B4GALNT3: variants seen among roughly 807,000 people sequenced by gnomAD.
B4GALNT3 encodes the protein beta-1,4-N-acetylgalactosaminyltransferase 3.
In B4GALNT3, 86 loss-of-function variants were observed where a neutral mutation model predicts 120.2. The observed-to-expected ratio is 0.72, with a 90% CI of 0.60 to 0.86. The LOEUF is 0.86. Among genes scored for constraint, B4GALNT3 ranks in the 40% least tolerant of loss-of-function variants. B4GALNT3 has a pLI of 0.00. For missense variants in B4GALNT3, 1,167 were observed against 1,298.9 expected (o/e 0.90, Z 1.56); for synonymous variants, 518 against 510.4 (o/e 1.01, Z -0.20).
Position 512,255 on chromosome 12 carries a change from A to G in B4GALNT3, c.170-22911A>G, listed in dbSNP as rs1442516866. Among the ~76,000 whole-genome samples the G allele has an allele frequency of 4.4e-4, 17 of 38,446 alleles. 2 individuals carry two copies. Among genetic ancestry groups the G allele is most frequent in the African/African-American group, 2.9e-3 (16 of 5,454 alleles). 25.2% of individuals were successfully genotyped at this position (38,446 alleles called of 152,430 possible). A position where few individuals can be genotyped will look rare whatever the true frequency, so the allele number is the denominator to read the frequency against. ...CACCTTCCACCTTCCACCTTCTTCCACCTTCTTCCACCTTCTTCCACCTTC... is the reference window on the plus strand; with the variant it reads ...CACCTTCCACCTTCCACCTTCTTCCGCCTTCTTCCACCTTCTTCCACCTTC... On this transcript the variant is annotated intron_variant, in intron 1 of 19. Coordinates refer to ENST00000266383, the MANE Select transcript of B4GALNT3 (RefSeq NM_173593.4).
chr12:514,329 C>G lies in B4GALNT3; in HGVS notation c.170-20837C>G, dbSNP rs1429762003. On this transcript the variant is annotated intron_variant, in intron 1 of 19. Transcript: ENST00000266383. ...TCTCCTGCCTCAGCCTCCCAAGTAG[C>G]TGGGACTACAGGTGCCCGCCACCAC... 2.0e-5 allele frequency among the ~76,000 whole-genome samples: 3 copies of G among 151,628 alleles called. No individual in the cohort carries two copies. In the East Asian group the frequency reaches 5.8e-4, roughly 30 times the overall value.
At chr12:537,983 C>T (rs1047401226) in intron 3 of B4GALNT3, among the ~76,000 whole-genome samples, 3 of 152,152 alleles carry the variant, frequency 2.0e-5, no homozygotes, top group Non-Finnish European at 4.4e-5. Flanking sequence ...TGCTGGCACA[C>T]CTGCACTAGA....
rs74817786 is a variant in B4GALNT3, at chr12:485,416, A to C, written c.169+24871A>C. On this transcript the variant is annotated intron_variant, in intron 1 of 19. Transcript: ENST00000266383. ...CCACACAAATACATTTTCTATCTCT[A>C]CTTGGAGTCTGATTCTATGACATTA... Among the ~76,000 whole-genome samples, 266 of 152,358 alleles carry C rather than the reference A, an allele frequency of 1.7e-3. 1 individual carries two copies. Among genetic ancestry groups the C allele is most frequent in the African/African-American group, 6.2e-3 (257 of 41,580 alleles).
In B4GALNT3 at chr12:521,441, G is replaced by T. The variant is rs116096180; in HGVS notation, c.170-13725G>T. Among the ~76,000 whole-genome samples the T allele has an allele frequency of 6.5e-3, 994 of 152,288 alleles. 14 individuals are homozygous for T. Among genetic ancestry groups the T allele is most frequent in the African/African-American group, 0.022 (914 of 41,560 alleles). The stretch of plus-strand genomic sequence containing the variant: ...TTCCTGGCCTTTCCGGGGCCCAGTC[G>T]TGTGGTTCTGTCTTTGATTCTGTGA... On this transcript the variant is annotated intron_variant, in intron 1 of 19. Transcript: ENST00000266383.
chr12:544,220 C>A, intron 3 of B4GALNT3, 119 bp from the exon 4 acceptor site: 1 of 869,786 alleles, frequency 1.1e-6, no homozygotes, highest in Non-Finnish European at 1.8e-6. Flanking sequence ...ATGGGGTGCT[C>A]ATCCTCCTGG....
Position 459,946 on chromosome 12 carries a change from G to A in B4GALNT3, c.-431G>A, listed in dbSNP as rs890752633. On this transcript the variant is annotated 5_prime_UTR_variant, in exon 1 of 20. Transcript: ENST00000266383. ...CGGGGCCGGGGGCGGGCCAGGTTCCGCGAGCAGGAGAGCCCAGAGCCCGGA... is the reference window on the plus strand; with the variant it reads ...CGGGGCCGGGGGCGGGCCAGGTTCCACGAGCAGGAGAGCCCAGAGCCCGGA... Among the ~76,000 whole-genome samples the A allele has an allele frequency of 4.0e-5, 6 of 151,344 alleles. No individual in the cohort carries two copies. The highest frequency in any genetic ancestry group is 9.7e-5 in the African/African-American group (4 of 41,292).
At chr12:500,619 A>C (rs778674857) in intron 1 of B4GALNT3, among the ~76,000 whole-genome samples, 1 of 151,928 alleles carries the variant, frequency 6.6e-6, no homozygotes, top group Non-Finnish European at 1.5e-5. Flanking sequence ...AAATACTGAA[A>C]TATTTCTGTA....
intron 1 of B4GALNT3, among the ~76,000 whole-genome samples, chr12:495,726 G>A (rs1946382117): frequency 6.6e-6 from 1 of 152,096 alleles, no homozygotes; most frequent in Non-Finnish European, 1.5e-5. Context: ...GACTCTGCTG[G>A]GCTCAGGGGT....
chr12:536,841 A>G (rs1946865847), intron 3 of B4GALNT3, among the ~76,000 whole-genome samples: 1 of 152,234 alleles, frequency 6.6e-6, no homozygotes, highest in South Asian at 2.1e-4. Flanking sequence ...GGCTCAGGAA[A>G]GCTACAAGAC....
intron 1 of B4GALNT3, among the ~76,000 whole-genome samples, chr12:506,304 T>C (rs962336477): frequency 6.6e-6 from 1 of 152,192 alleles, no homozygotes; most frequent in African/African-American, 2.4e-5. Context: ...AGGAGGTCAC[T>C]GGGATCACAA....
In B4GALNT3 at chr12:551,014, T is replaced by C; in HGVS notation, c.1090T>C (p.Tyr364His). The C allele has an allele frequency of 6.2e-7, 1 of 1,611,888 alleles. No individual in the cohort carries two copies. The highest frequency in any genetic ancestry group is 8.5e-7 in the Non-Finnish European group (1 of 1,177,924). ...YLVDGLPLQR[Y>H]QGLRFVHLSF... ...GGTGGATGGGCTTCCTCTGCAGCGC[T>C]ACCAGGGACTCCGGTTTGTAAGTCT... Residue 364 changes from tyrosine (Y) to histidine (H), a missense_variant, in exon 11 of 20, where the codon TAC becomes CAC. By Grantham distance (83) the Tyr-to-His change is moderately conservative. Transcript: ENST00000266383.
chr12:559,766 G>A (rs767552748), intron 19 of B4GALNT3, among the ~76,000 whole-genome samples: 1 of 152,144 alleles, frequency 6.6e-6, no homozygotes, highest in Non-Finnish European at 1.5e-5. Flanking sequence ...CCCAGCCCGA[G>A]GGTAGTGCGC....
rs1412986980 is a variant in B4GALNT3, at chr12:553,249, C to G, written c.1326C>G (p.Thr442=). The part of the protein sequence containing the change: ...ESQYGEVAEE[T]PASNNQNARM... Reference sequence around the variant, plus strand: ...AGTATGGGGAAGTGGCAGAGGAGACCCCTGCCTCCAACAACCAGAATGCCA... The same window carrying G: ...AGTATGGGGAAGTGGCAGAGGAGACGCCTGCCTCCAACAACCAGAATGCCA... The change falls in exon 14 of 20, where the codon ACC becomes ACG. Residue 442 remains threonine (T), a synonymous_variant. Coordinates refer to ENST00000266383, the MANE Select transcript of B4GALNT3 (RefSeq NM_173593.4). The G allele has an allele frequency of 6.2e-7, 1 of 1,613,494 alleles. No homozygotes were observed. The highest frequency in any genetic ancestry group is 1.7e-5 in the Admixed American group (1 of 60,024).
chr12:491,155 CAT>C (rs1417345420), intron 1 of B4GALNT3, among the ~76,000 whole-genome samples: 3 of 152,102 alleles, frequency 2.0e-5, no homozygotes, highest in Non-Finnish European at 4.4e-5. Context: ...TTGAATCCAA[CAT>C]GTGTAAAAAG....
chr12:521,863 C>G (rs116130819), intron 1 of B4GALNT3, among the ~76,000 whole-genome samples: 4,745 of 152,278 alleles, frequency 0.031, 260 homozygotes, highest in African/African-American at 0.11. Context: ...AACTTAGCCT[C>G]TCTCTGAAGC....
At chr12:556,388 A>C (rs1947156509) in intron 14 of B4GALNT3, among the ~76,000 whole-genome samples, 159 bp from the exon 15 acceptor site, 1 of 152,144 alleles carries the variant, frequency 6.6e-6, no homozygotes, top group South Asian at 2.1e-4. Flanking sequence ...AACCCTAGAG[A>C]GATTGCGAAT....
intron 1 of B4GALNT3, among the ~76,000 whole-genome samples, chr12:530,254 C>A (rs1445638639): frequency 2.0e-5 from 3 of 152,258 alleles, no homozygotes; most frequent in African/African-American, 7.2e-5. Flanking sequence ...ATGGCCCTGG[C>A]GTGTGATGGG....
chr12:480,106 A>G (rs910639319), intron 1 of B4GALNT3, among the ~76,000 whole-genome samples: 9 of 151,604 alleles, frequency 5.9e-5, no homozygotes, highest in African/African-American at 2.2e-4. Flanking sequence ...TAGTAGAGAC[A>G]AGGTTTCACT....
chr12:552,574 A>C, intron 13 of B4GALNT3, 46 bp downstream of exon 13: 2 of 1,580,520 alleles, frequency 1.3e-6, no homozygotes, highest in Non-Finnish European at 1.7e-6. Flanking sequence ...GAGAGGGGCG[A>C]CCATGGTCTG....
Sources: allele counts gnomAD v4.1 joint callset (sites outside exome capture counted in the v4.1 genomes callset), GRCh38; gene constraint gnomAD v4.1.1; transcripts MANE v1.5; gene names NCBI Gene and HGNC (gene_info 2026-07-23, HGNC 2026-07-21).